The following SYTL3 variants were observed in gnomAD, a reference collection of about 807,000 sequenced individuals.
The protein encoded by SYTL3 is synaptotagmin like 3.
In SYTL3, 88 loss-of-function variants were observed where a neutral mutation model predicts 82.1. The ratio of observed to expected loss-of-function variants is 1.07; its 90% CI spans 0.90 to 1.28. The LOEUF is 1.28. Among genes scored for constraint, SYTL3 ranks in the 50% most tolerant of loss-of-function variants. The pLI is 0.00. For missense variants in SYTL3, 831 were observed against 757.6 expected (o/e 1.10, Z -1.14); for synonymous variants, 311 against 289.4 (o/e 1.07, Z -0.76).
chr6:158,695,104 G>T (rs942847568), intron 6 of SYTL3, among the ~76,000 whole-genome samples: 1 of 152,160 alleles, frequency 6.6e-6, no homozygotes, highest in South Asian at 2.1e-4. Flanking sequence ...TTGGAACAAG[G>T]CCATGTTCAC....
intron 5 of SYTL3, among the ~76,000 whole-genome samples, chr6:158,674,098 A>G (rs1159134986): frequency 1.4e-5 from 2 of 139,206 alleles, no homozygotes; most frequent in South Asian, 2.2e-4. Flanking sequence ...TAATAATAAT[A>G]ATAATAATAA....
chr6:158,726,696 C>T (rs1383645972), intron 11 of SYTL3: 2 of 281,476 alleles, frequency 7.1e-6, no homozygotes, highest in East Asian at 9.8e-5. Flanking sequence ...TTCGTTCATT[C>T]AGCACTGTTT....
Position 158,663,163 on chromosome 6 carries a change from A to T in SYTL3, c.-106A>T. 1 of 950,900 alleles carries T rather than the reference A, an allele frequency of 1.1e-6. No homozygotes were observed. Among genetic ancestry groups the T allele is most frequent in the Non-Finnish European group, 1.6e-6 (1 of 614,014 alleles). 58.9% of individuals were successfully genotyped at this position (950,900 alleles called of 1,614,324 possible). On this transcript the variant is annotated 5_prime_UTR_variant, in exon 4 of 18. Coordinates refer to ENST00000611299, the MANE Select transcript of SYTL3 (RefSeq NM_001242394.2). ...AGTGAAATAGGAGAGGGAGCTCTTT[A>T]AACAAGGCTGGCTGCAGCTGGCCTC...
At chr6:158,684,735 A>G (rs1034295344) in intron 6 of SYTL3, among the ~76,000 whole-genome samples, 1 of 151,718 alleles carries the variant, frequency 6.6e-6, no homozygotes, top group East Asian at 1.9e-4. Flanking sequence ...TTCAGCTTTT[A>G]TAAAGGGTGG....
chr6:158,702,613 T>TC (rs998204562), intron 6 of SYTL3, among the ~76,000 whole-genome samples: 1 of 151,382 alleles, frequency 6.6e-6, no homozygotes, highest in Non-Finnish European at 1.5e-5. Flanking sequence ...GGTGGTCGTT[T>TC]CCCCCCGGCT....
In SYTL3 at chr6:158,759,085, C is replaced by T. The variant is rs73595143; in HGVS notation, c.1309-1555C>T. The stretch of plus-strand genomic sequence containing the variant: ...TCCCCCGTGCACCCTGCCTCTCCCA[C>T]ACCTCTGTCATCAGCTCGAAGACAA... On this transcript the variant is annotated intron_variant, in intron 14 of 17. Coordinates refer to ENST00000611299, the MANE Select transcript of SYTL3 (RefSeq NM_001242394.2). Among the ~76,000 whole-genome samples the T allele has an allele frequency of 4.5e-3, 679 of 152,358 alleles. 12 individuals are homozygous for T. Among genetic ancestry groups the T allele is most frequent in the African/African-American group, 0.015 (635 of 41,582 alleles).
chr6:158,684,374 A>G (rs1779065548), intron 6 of SYTL3, among the ~76,000 whole-genome samples: 1 of 152,200 alleles, frequency 6.6e-6, no homozygotes, highest in Admixed American at 6.5e-5. Flanking sequence ...AGTATTTGCA[A>G]TGTATGTTGT....
At chr6:158,760,556 G>C in intron 14 of SYTL3, 84 bp from the exon 15 acceptor site, 1 of 1,208,630 alleles carries the variant, frequency 8.3e-7, no homozygotes, top group Non-Finnish European at 1.2e-6. Context: ...AGCATCTGTG[G>C]ACGAAGCTGA....
intron 6 of SYTL3, 29 bp from the exon 7 acceptor site, chr6:158,707,201 T>G: frequency 6.2e-7 from 1 of 1,611,474 alleles, no homozygotes; most frequent in Non-Finnish European, 8.5e-7. Flanking sequence ...TTCTTAATAA[T>G]AAACGCCCTC....
chr6:158,694,769 G>A (rs980739377), intron 6 of SYTL3, among the ~76,000 whole-genome samples: 11 of 152,066 alleles, frequency 7.2e-5, no homozygotes, highest in Admixed American at 2.0e-4. Flanking sequence ...CTTTCTGAGC[G>A]CCTGCGTTCC....
intron 5 of SYTL3, among the ~76,000 whole-genome samples, chr6:158,673,625 G>C (rs1029479158): frequency 4.5e-4 from 68 of 150,966 alleles, no homozygotes; most frequent in Admixed American, 3.3e-4. Context: ...ATTTTTAGTA[G>C]AGACGGGGTT....
Position 158,701,915 on chromosome 6 carries a change from G to A in SYTL3, c.395-5315G>A, listed in dbSNP as rs544271003. ...CCCCAGTCTCTGCCCTGATGGTCAC[G>A]GGGCTGTCTCCACATTGTCTCCCCT... On this transcript the variant is annotated intron_variant, in intron 6 of 17. Transcript: ENST00000611299. Among the ~76,000 whole-genome samples, 7 of 152,046 alleles carry A rather than the reference G, an allele frequency of 4.6e-5. No homozygotes were observed. The South Asian group carries it at 6.2e-4, about 14-fold the overall frequency.
At chr6:158,670,697 C>T (rs571914824) in intron 5 of SYTL3, among the ~76,000 whole-genome samples, 6 of 151,588 alleles carry the variant, frequency 4.0e-5, no homozygotes, top group Admixed American at 2.0e-4. Context: ...GTACAAGAAT[C>T]GCTGGAACCG....
chr6:158,660,000 C>T (rs1036161408), intron 2 of SYTL3, among the ~76,000 whole-genome samples: 3 of 152,116 alleles, frequency 2.0e-5, no homozygotes, highest in Non-Finnish European at 2.9e-5. Context: ...ACAGGCCGGG[C>T]GTGGTGGTCC....
chr6:158,741,423 A>C (rs902263304), intron 11 of SYTL3, among the ~76,000 whole-genome samples: 4 of 152,122 alleles, frequency 2.6e-5, no homozygotes, highest in African/African-American at 9.7e-5. Context: ...GTTGTCATGG[A>C]GAAGAATTGG....
At chr6:158,685,599 A>G (rs918324362) in intron 6 of SYTL3, among the ~76,000 whole-genome samples, 2 of 152,080 alleles carry the variant, frequency 1.3e-5, no homozygotes, top group African/African-American at 4.8e-5. Flanking sequence ...TGGGCAGATC[A>G]TCTGAGATTG....
At chr6:158,711,869 A>G (rs1782802714) in intron 8 of SYTL3, among the ~76,000 whole-genome samples, 1 of 152,108 alleles carries the variant, frequency 6.6e-6, no homozygotes, top group Non-Finnish European at 1.5e-5. Context: ...TCTTGTTGCC[A>G]TCTTGGTTTT....
In SYTL3 at chr6:158,656,466, C is replaced by T. The variant is rs564989906; in HGVS notation, c.-637+4624C>T. Among the ~76,000 whole-genome samples the T allele has an allele frequency of 2.4e-3, 360 of 152,316 alleles. 4 individuals are homozygous for T. Among genetic ancestry groups the T allele is most frequent in the Non-Finnish European group, 3.6e-3 (248 of 68,020 alleles). Reference sequence around the variant, plus strand: ...CTTGGCCGGGTGCGATGGCTCACGCCTGTAATCCCAGCACTTTGGGAGGCT... The same window carrying T: ...CTTGGCCGGGTGCGATGGCTCACGCTTGTAATCCCAGCACTTTGGGAGGCT... On this transcript the variant is annotated intron_variant, in intron 2 of 17. Coordinates refer to ENST00000611299, the MANE Select transcript of SYTL3 (RefSeq NM_001242394.2).
chr6:158,737,044 A>G (rs1292697775), intron 11 of SYTL3, among the ~76,000 whole-genome samples: 1 of 151,512 alleles, frequency 6.6e-6, no homozygotes, highest in African/African-American at 2.4e-5. Flanking sequence ...CATGGCAAAA[A>G]AAAAAAAAAC....
Sources: allele counts gnomAD v4.1 joint callset (sites outside exome capture counted in the v4.1 genomes callset), GRCh38; gene constraint gnomAD v4.1.1; transcripts MANE v1.5; gene names NCBI Gene and HGNC (gene_info 2026-07-23, HGNC 2026-07-21).